The following QTMAN variants were observed in gnomAD, a reference collection of about 807,000 sequenced individuals.
QTMAN encodes queuosine-tRNA mannosyltransferase, also known as tRNA-queuosine alpha-mannosyltransferase.
At chr2:144,273,248 G>A in the QTMAN span, among the ~76,000 whole-genome samples, 49 of 151,442 alleles carry the variant, frequency 3.2e-4, no homozygotes, top group Non-Finnish European at 4.9e-4. Context: ...TATAGGAAAC[G>A]CTCAATTAGA....
At chr2:144,051,435 G>C in the QTMAN span, among the ~76,000 whole-genome samples, 2 of 152,066 alleles carry the variant, frequency 1.3e-5, no homozygotes, top group Non-Finnish European at 2.9e-5. Context: ...ACTCTGGATG[G>C]CTTGAGCCCA....
the QTMAN span, among the ~76,000 whole-genome samples, chr2:144,197,300 TG>T: frequency 1.3e-5 from 2 of 150,300 alleles, no homozygotes; most frequent in Non-Finnish European, 3.0e-5. Flanking sequence ...TATATTTGTG[TG>T]TGTGTGTGTG....
At chr2:144,039,480 C>A in the QTMAN span, among the ~76,000 whole-genome samples, 4 of 152,026 alleles carry the variant, frequency 2.6e-5, no homozygotes, top group African/African-American at 9.7e-5. Flanking sequence ...TTACTGAAAA[C>A]CCCTTGAAAG....
chr2:144,317,516 C>T, the QTMAN span: 1 of 152,130 alleles, frequency 6.6e-6, no homozygotes, highest in East Asian at 1.9e-4. Context: ...TTCTGGAGTC[C>T]ACGAATGCCA....
the QTMAN span, among the ~76,000 whole-genome samples, chr2:144,204,558 G>C: frequency 6.6e-6 from 1 of 152,214 alleles, no homozygotes. Flanking sequence ...CTGTAAGCTA[G>C]TTCAACCATT....
chr2:144,274,414 G>A, the QTMAN span, among the ~76,000 whole-genome samples: 3 of 152,184 alleles, frequency 2.0e-5, no homozygotes, highest in Non-Finnish European at 4.4e-5. Flanking sequence ...CAGGATGGGG[G>A]CTGGTTGCCA....
chr2:144,259,347 C>T, the QTMAN span, among the ~76,000 whole-genome samples: 2 of 152,032 alleles, frequency 1.3e-5, no homozygotes, highest in African/African-American at 2.4e-5. Context: ...TTGGTAGAGA[C>T]GGGGTTTCAT....
chr2:144,135,254 A>G, the QTMAN span, among the ~76,000 whole-genome samples: 1 of 152,178 alleles, frequency 6.6e-6, no homozygotes, highest in African/African-American at 2.4e-5. Context: ...AGGGGGACAG[A>G]CGGAAGAAGT....
the QTMAN span, among the ~76,000 whole-genome samples, chr2:144,283,079 T>C: frequency 1.3e-5 from 2 of 152,168 alleles, no homozygotes; most frequent in African/African-American, 4.8e-5. Context: ...TTTGTATCCT[T>C]TATCATATCC....
chr2:143,967,715 A>G, the QTMAN span, among the ~76,000 whole-genome samples: 1 of 152,180 alleles, frequency 6.6e-6, no homozygotes, highest in African/African-American at 2.4e-5. Context: ...AGCGCTAGAT[A>G]AGAGATTACG....
the QTMAN span, among the ~76,000 whole-genome samples, chr2:144,012,700 C>T: frequency 6.6e-6 from 1 of 152,012 alleles, no homozygotes; most frequent in East Asian, 1.9e-4. Flanking sequence ...TAAATAAATG[C>T]CCAAGGGTAA....
At chr2:144,273,966 T>A in the QTMAN span, among the ~76,000 whole-genome samples, 8 of 152,042 alleles carry the variant, frequency 5.3e-5, no homozygotes, top group African/African-American at 1.9e-4. Flanking sequence ...AAACCCCATC[T>A]CTACTAAAAA....
At chr2:143,964,385 C>T in the QTMAN span, among the ~76,000 whole-genome samples, 2 of 152,096 alleles carry the variant, frequency 1.3e-5, no homozygotes, top group African/African-American at 4.8e-5. Context: ...AGTACATTAA[C>T]TTCATCTCAA....
chr2:144,160,859 C>G, the QTMAN span, among the ~76,000 whole-genome samples: 2 of 152,126 alleles, frequency 1.3e-5, no homozygotes, highest in Non-Finnish European at 2.9e-5. Context: ...GTAAAATACA[C>G]AAAAACACCT....
the QTMAN span, among the ~76,000 whole-genome samples, chr2:144,003,836 C>A: frequency 6.6e-6 from 1 of 152,142 alleles, no homozygotes; most frequent in Non-Finnish European, 1.5e-5. Flanking sequence ...ATGTTAGAGG[C>A]TGACACTATA....
At chr2:144,224,456 A>G in the QTMAN span, among the ~76,000 whole-genome samples, 13 of 152,156 alleles carry the variant, frequency 8.5e-5, no homozygotes, top group Non-Finnish European at 1.9e-4. Flanking sequence ...ATCACAAACA[A>G]TTTCTTTCTA....
the QTMAN span, among the ~76,000 whole-genome samples, chr2:144,079,869 A>G: frequency 6.6e-6 from 1 of 152,136 alleles, no homozygotes; most frequent in East Asian, 1.9e-4. Flanking sequence ...TTTTAGGTAC[A>G]TTAACAGGAC....
chr2:144,318,043 T>C, the QTMAN span, among the ~76,000 whole-genome samples: 4 of 152,216 alleles, frequency 2.6e-5, no homozygotes, highest in African/African-American at 9.6e-5. Context: ...CAGTGTTCTA[T>C]TCATCGTCCC....
chr2:144,008,003 T>C, the QTMAN span, among the ~76,000 whole-genome samples: 7 of 152,292 alleles, frequency 4.6e-5, no homozygotes, highest in East Asian at 1.4e-3. Context: ...ATACTTTGTA[T>C]TAAATTGACT....
Sources: allele counts gnomAD v4.1 joint callset (sites outside exome capture counted in the v4.1 genomes callset), GRCh38; gene constraint gnomAD v4.1.1; transcripts MANE v1.5; gene names NCBI Gene and HGNC (gene_info 2026-07-23, HGNC 2026-07-21).